The following GPR176 variants were observed in gnomAD, a reference collection of about 807,000 sequenced individuals.
GPR176 encodes the protein G protein-coupled receptor 176.
Under a neutral mutation model 35.4 loss-of-function variants are expected in GPR176, and 26 were observed. The observed-to-expected ratio is 0.74, with a 90% CI of 0.54 to 1.02. The LOEUF is 1.02. Among genes scored for constraint, GPR176 ranks in the 50% least tolerant of loss-of-function variants. The pLI is 0.00. For missense variants in GPR176, 597 were observed against 665.3 expected (o/e 0.90, Z 1.13); for synonymous variants, 278 against 271.3 (o/e 1.02, Z -0.24).
chr15:39,911,903 T>A (rs2033588149), intron 1 of GPR176, among the ~76,000 whole-genome samples: 1 of 152,192 alleles, frequency 6.6e-6, no homozygotes, highest in South Asian at 2.1e-4. Context: ...GCTTAAGATA[T>A]CTTCTTTTAA....
chr15:39,807,715 TTAA>T (rs1899292495), intron 1 of GPR176: 7 of 612,606 alleles, frequency 1.1e-5, no homozygotes, highest in Non-Finnish European at 1.8e-5. Context: ...AGGTGAGATT[TTAA>T]TAATATTTTT....
At chr15:39,832,401 T>G (rs938225949) in intron 1 of GPR176, among the ~76,000 whole-genome samples, 3 of 152,096 alleles carry the variant, frequency 2.0e-5, no homozygotes, top group African/African-American at 7.2e-5. Context: ...AACTTGCTGA[T>G]TAAAACAACA....
At chr15:39,912,580 T>C in intron 1 of GPR176, among the ~76,000 whole-genome samples, 1 of 151,130 alleles carries the variant, frequency 6.6e-6, no homozygotes, top group East Asian at 1.9e-4. Flanking sequence ...ATCGCACCAC[T>C]TCACTCCAGC....
intron 2 of GPR176, among the ~76,000 whole-genome samples, chr15:39,806,592 T>A (rs1427423130): frequency 6.6e-6 from 1 of 152,210 alleles, no homozygotes; most frequent in Non-Finnish European, 1.5e-5. Flanking sequence ...TAATCGCTTG[T>A]TAAATAACCA....
At chr15:39,820,932 C>T (rs907548311) in intron 1 of GPR176, among the ~76,000 whole-genome samples, 26 of 152,176 alleles carry the variant, frequency 1.7e-4, no homozygotes, top group Non-Finnish European at 2.2e-4. Flanking sequence ...CTTTAAGCAA[C>T]GGAGACTTTC....
In GPR176 at chr15:39,803,527, C is replaced by T. The variant is rs193227460; in HGVS notation, c.426-1273G>A. ...AACTCCTAACCTCAGCTGATCCACC[C>T]GCCTCGGCCTCCCAAAGTGGTTGGA... On this transcript the variant is annotated intron_variant, in intron 2 of 2. Coordinates refer to ENST00000561100, the MANE Select transcript of GPR176 (RefSeq NM_007223.3). 1.5e-4 allele frequency among the ~76,000 whole-genome samples: 23 copies of T among 151,986 alleles called. No homozygotes were observed. The East Asian group carries it at 2.5e-3, about 17-fold the overall frequency.
At chr15:39,827,439 T>C (rs903808594) in intron 1 of GPR176, among the ~76,000 whole-genome samples, 7 of 152,162 alleles carry the variant, frequency 4.6e-5, no homozygotes, top group Non-Finnish European at 1.0e-4. Flanking sequence ...GTGGAGTCTT[T>C]TGAAAGAGTT....
At chr15:39,857,351 G>A (rs998874949) in intron 1 of GPR176, among the ~76,000 whole-genome samples, 1 of 152,058 alleles carries the variant, frequency 6.6e-6, no homozygotes, top group African/African-American at 2.4e-5. Context: ...CTGAATCACT[G>A]AGCCTGAAAG....
chr15:39,812,751 T>TC (rs886432987), intron 1 of GPR176, among the ~76,000 whole-genome samples: 108 of 151,996 alleles, frequency 7.1e-4, no homozygotes, highest in Middle Eastern at 3.4e-3. Flanking sequence ...CTTTATTTTT[T>TC]TTTTTTTTGA....
intron 1 of GPR176, among the ~76,000 whole-genome samples, chr15:39,808,516 T>C (rs1222100255): frequency 6.6e-6 from 1 of 152,218 alleles, no homozygotes; most frequent in African/African-American, 2.4e-5. Flanking sequence ...TCTCTAACCA[T>C]TATTTTATTT....
intron 1 of GPR176, among the ~76,000 whole-genome samples, chr15:39,863,794 T>C (rs2031711150): frequency 6.6e-6 from 1 of 152,250 alleles, no homozygotes; most frequent in Non-Finnish European, 1.5e-5. Context: ...TGTGTAATAA[T>C]CTAGCCTAGG....
intron 1 of GPR176, among the ~76,000 whole-genome samples, chr15:39,891,217 T>C (rs1192350247): frequency 1.3e-5 from 2 of 152,130 alleles, no homozygotes; most frequent in Non-Finnish European, 1.5e-5. Flanking sequence ...TGGCACATAA[T>C]AAATGCCACA....
intron 1 of GPR176, among the ~76,000 whole-genome samples, chr15:39,822,884 C>T (rs753232827): frequency 6.6e-6 from 1 of 152,196 alleles, no homozygotes; most frequent in Non-Finnish European, 1.5e-5. Context: ...GCACATCAGT[C>T]ACTAACACTG....
At chr15:39,869,068 G>T (rs890131148) in intron 1 of GPR176, among the ~76,000 whole-genome samples, 1 of 149,334 alleles carries the variant, frequency 6.7e-6, no homozygotes, top group South Asian at 2.1e-4. Context: ...TGAGACATCT[G>T]AGTTTCCAAA....
In GPR176 at chr15:39,802,203, G is replaced by A; in HGVS notation, c.477C>T (p.Ser159=). 1 of 1,613,794 alleles carries A rather than the reference G, an allele frequency of 6.2e-7. No homozygotes were observed. Among genetic ancestry groups the A allele is most frequent in the Non-Finnish European group, 8.5e-7 (1 of 1,179,792 alleles). The stretch of plus-strand genomic sequence containing the variant: ...CCCAGATGTACATCACCAGTTCACG[G>A]GACTTGGCATCAGATATTTTCCTCT... The part of the protein sequence containing the change: ...PLERKISDAK[S]RELVMYIWAH... Residue 159 remains serine, a synonymous_variant, in exon 3 of 3, where the codon TCC becomes TCT. Transcript: ENST00000561100.
chr15:39,895,290 A>AGAGGGAGAGGGG (rs1566966006), intron 1 of GPR176, among the ~76,000 whole-genome samples: 2 of 1,380 alleles, frequency 1.4e-3, no homozygotes, highest in African/African-American at 6.3e-3. Flanking sequence ...GGGGAGAGGA[A>AGAGGGAGAGGGG]GAGGGGGAGG....
At chr15:39,827,239 T>C (rs1382177244) in intron 1 of GPR176, among the ~76,000 whole-genome samples, 1 of 152,146 alleles carries the variant, frequency 6.6e-6, no homozygotes, top group Non-Finnish European at 1.5e-5. Context: ...ATGGGTCTCA[T>C]GTGACAAAAA....
At chr15:39,805,890 G>A (rs1899160030) in intron 2 of GPR176, among the ~76,000 whole-genome samples, 1 of 152,212 alleles carries the variant, frequency 6.6e-6, no homozygotes, top group Non-Finnish European at 1.5e-5. Flanking sequence ...CACTCAGCTA[G>A]AAAGCTATGT....
At position 39,813,987 on chromosome 15, in the gene GPR176, T is replaced by C. The variant is rs141521363; in HGVS notation, c.173-6729A>G. Among the ~76,000 whole-genome samples the C allele has an allele frequency of 7.5e-3, 1,139 of 152,296 alleles. 17 individuals are homozygous for C. The highest frequency in any genetic ancestry group is 0.027 in the Middle Eastern group (8 of 294). Reference sequence around the variant, plus strand: ...TCTCCACAAATGGCATGTGAGAAAGTTGGTGTCCCCAAATGCTCACTAAAA... The same window carrying C: ...TCTCCACAAATGGCATGTGAGAAAGCTGGTGTCCCCAAATGCTCACTAAAA... On this transcript the variant is annotated intron_variant, in intron 1 of 2. Coordinates refer to ENST00000561100, the MANE Select transcript of GPR176 (RefSeq NM_007223.3).
Sources: allele counts gnomAD v4.1 joint callset (sites outside exome capture counted in the v4.1 genomes callset), GRCh38; gene constraint gnomAD v4.1.1; transcripts MANE v1.5; gene names NCBI Gene and HGNC (gene_info 2026-07-23, HGNC 2026-07-21).